Variants in DIP2B observed in about 807,000 individuals in gnomAD.
DIP2B encodes disco-interacting protein 2 homolog B.
A neutral mutation model predicts 198.0 loss-of-function variants in DIP2B; 76 were observed. The ratio of observed to expected loss-of-function variants is 0.38; its 90% CI spans 0.32 to 0.46. The LOEUF (loss-of-function observed/expected upper bound fraction) is 0.46. Ranked by LOEUF, DIP2B falls within the 20% of genes least tolerant of loss-of-function variation. The pLI is 0.99. For synonymous variants in DIP2B, 701 were observed against 739.1 expected (o/e 0.95, Z 0.84); for missense variants, 1,559 against 1,978.4 (o/e 0.79, Z 4.02).
intron 1 of DIP2B, among the ~76,000 whole-genome samples, chr12:50,550,435 G>T (rs1278666578): frequency 6.6e-6 from 1 of 152,050 alleles, no homozygotes; most frequent in Non-Finnish European, 1.5e-5. Context: ...CTAAAAGAAC[G>T]ATTAGACTCT....
In DIP2B at chr12:50,714,398, A is replaced by G; in HGVS notation, c.2653A>G (p.Ile885Val). The G allele has an allele frequency of 6.2e-7, 1 of 1,614,200 alleles. No individual in the cohort carries two copies. Among genetic ancestry groups the G allele is most frequent in the East Asian group, 2.2e-5 (1 of 44,890 alleles). ...ATTTTTGTTTGTATTTTTCTAGGCG[A>G]TCGATAGCATTCATCAAGTGGGGGT... ...FQWMSRVLQA[I>V]DSIHQVGVYC... The change falls in exon 23 of 38, where the codon ATC becomes GTC. Residue 885 changes from isoleucine (I) to valine (V), a missense_variant. Transcript: ENST00000301180.
intron 1 of DIP2B, among the ~76,000 whole-genome samples, chr12:50,521,489 C>CTT (rs35971707): frequency 0.047 from 4,572 of 98,226 alleles, 400 homozygotes; most frequent in East Asian, 0.32. Flanking sequence ...AGGTTTCTTT[C>CTT]TTTTTTTTTT....
At chr12:50,649,943 T>C (rs1938424605) in intron 3 of DIP2B, among the ~76,000 whole-genome samples, 2 of 152,142 alleles carry the variant, frequency 1.3e-5, no homozygotes, top group South Asian at 4.1e-4. Flanking sequence ...GCACTGTGGC[T>C]CACGCCTGTA....
chr12:50,586,666 G>A (rs532630342), intron 1 of DIP2B, among the ~76,000 whole-genome samples: 3 of 151,744 alleles, frequency 2.0e-5, no homozygotes, highest in Non-Finnish European at 2.9e-5. Flanking sequence ...TCTGCCTCCC[G>A]GGTTCAAGCG....
intron 12 of DIP2B, among the ~76,000 whole-genome samples, chr12:50,690,771 T>G (rs1372249923): frequency 6.6e-6 from 1 of 152,206 alleles, no homozygotes; most frequent in Non-Finnish European, 1.5e-5. Flanking sequence ...CTCCAATCAC[T>G]TGTTTATTTT....
At chr12:50,553,689 T>C (rs571267215) in intron 1 of DIP2B, among the ~76,000 whole-genome samples, 1 of 152,326 alleles carries the variant, frequency 6.6e-6, no homozygotes, top group East Asian at 1.9e-4. Flanking sequence ...GTTCTCACTC[T>C]GTCACCCAGG....
At chr12:50,681,569 G>C (rs1311973623) in intron 9 of DIP2B, among the ~76,000 whole-genome samples, 1 of 151,844 alleles carries the variant, frequency 6.6e-6, no homozygotes, top group Non-Finnish European at 1.5e-5. Flanking sequence ...TAATTTGAGG[G>C]GACATTATAC....
At chr12:50,724,713 G>C in intron 27 of DIP2B, 62 bp from the exon 28 acceptor site, 1 of 1,461,768 alleles carries the variant, frequency 6.8e-7, no homozygotes, top group Admixed American at 1.7e-5. Flanking sequence ...AGCAGCCAGG[G>C]CCTGTGGTGC....
chr12:50,722,532 G>T (rs1939858428), intron 26 of DIP2B, among the ~76,000 whole-genome samples: 1 of 152,154 alleles, frequency 6.6e-6, no homozygotes, highest in Admixed American at 6.5e-5. Flanking sequence ...GGGATTACAG[G>T]TGTGTGCCAC....
chr12:50,659,993 A>G (rs1239357676), intron 3 of DIP2B, among the ~76,000 whole-genome samples: 2 of 152,124 alleles, frequency 1.3e-5, no homozygotes, highest in East Asian at 3.9e-4. Context: ...CTCCTCCGTA[A>G]AATTATCCCT....
intron 1 of DIP2B, among the ~76,000 whole-genome samples, chr12:50,601,652 A>G (rs1160691329): frequency 6.6e-6 from 1 of 151,830 alleles, no homozygotes; most frequent in East Asian, 1.9e-4. Flanking sequence ...TTTATATTTT[A>G]TGTAAAATAT....
chr12:50,623,437 A>ACACACTCT (rs1308369241), intron 1 of DIP2B, among the ~76,000 whole-genome samples: 14 of 57,160 alleles, frequency 2.4e-4, no homozygotes, highest in African/African-American at 1.0e-3. Context: ...ACACACACAC[A>ACACACTCT]CTCTCTCTCT....
intron 3 of DIP2B, among the ~76,000 whole-genome samples, chr12:50,643,883 T>C (rs1938304089): frequency 6.6e-6 from 1 of 152,182 alleles, no homozygotes. Context: ...ATAGAAAGGG[T>C]TACATTTACA....
chr12:50,673,124 T>A (rs1938883376), intron 5 of DIP2B, among the ~76,000 whole-genome samples: 1 of 152,224 alleles, frequency 6.6e-6, no homozygotes, highest in African/African-American at 2.4e-5. Flanking sequence ...TAAAAATGTC[T>A]GTTTTAATGC....
At chr12:50,681,086 A>G (rs750747137) in intron 9 of DIP2B, among the ~76,000 whole-genome samples, 29 of 152,180 alleles carry the variant, frequency 1.9e-4, no homozygotes, top group Non-Finnish European at 4.0e-4. Flanking sequence ...AACAGCAACA[A>G]AACTTACTCT....
chr12:50,682,628 C>CA (rs58672851), intron 9 of DIP2B, among the ~76,000 whole-genome samples: 19,561 of 41,874 alleles, frequency 0.47, 4,622 homozygotes, highest in South Asian at 0.56. Flanking sequence ...GACTCTGTCT[C>CA]AAAAAAAAAA....
chr12:50,702,171 C>T (rs376272669), intron 19 of DIP2B, among the ~76,000 whole-genome samples: 1 of 151,834 alleles, frequency 6.6e-6, no homozygotes, highest in African/African-American at 2.4e-5. Flanking sequence ...ATGGTGAAGC[C>T]CCGTCTCTAC....
At chr12:50,652,305 T>G (rs1163443332) in intron 3 of DIP2B, among the ~76,000 whole-genome samples, 1 of 145,750 alleles carries the variant, frequency 6.9e-6, no homozygotes, top group East Asian at 2.0e-4. Context: ...AGAGCGAGAC[T>G]CTGCAAAAAT....
Position 50,728,576 on chromosome 12 carries a change from G to T in DIP2B, c.3539G>T (p.Cys1180Phe), listed in dbSNP as rs929763502. The T allele has an allele frequency of 6.2e-7, 1 of 1,613,994 alleles. No individual in the cohort carries two copies. The highest frequency in any genetic ancestry group is 1.3e-5 in the African/African-American group (1 of 74,908). ...KMSHSAVNAL[C>F]RAIKLQCELY... Reference sequence around the variant, plus strand: ...TCCCACTCTGCAGTGAACGCTCTGTGTCGAGCCATCAAGCTCCAGTGTGAG... The same window carrying T: ...TCCCACTCTGCAGTGAACGCTCTGTTTCGAGCCATCAAGCTCCAGTGTGAG... Residue 1180 changes from cysteine (C) to phenylalanine (F), a missense_variant, in exon 30 of 38, where the codon TGT becomes TTT. Physicochemically the swap from Cys to Phe is radical, Grantham distance 205. Coordinates refer to ENST00000301180, the MANE Select transcript of DIP2B (RefSeq NM_173602.3).
Sources: allele counts gnomAD v4.1 joint callset (sites outside exome capture counted in the v4.1 genomes callset), GRCh38; gene constraint gnomAD v4.1.1; transcripts MANE v1.5; gene names NCBI Gene and HGNC (gene_info 2026-07-23, HGNC 2026-07-21).